Variants in MOV10 observed in about 807,000 individuals in gnomAD.
The protein encoded by MOV10 is RNA helicase MOV-10.
In MOV10, 39 loss-of-function variants were observed where a neutral mutation model predicts 108.4. The ratio of observed to expected loss-of-function variants is 0.36; its 90% CI spans 0.28 to 0.47. The LOEUF (loss-of-function observed/expected upper bound fraction) is 0.47, where lower values mean the gene tolerates loss of function less well. Among genes scored for constraint, MOV10 ranks in the 20% least tolerant of loss-of-function variants. The pLI, the probability that MOV10 is intolerant of heterozygous loss-of-function variation, is 1.00. For synonymous variants in MOV10, 490 were observed against 523.1 expected, an observed-to-expected ratio of 0.94 and a Z score of 0.86; for missense variants, 952 against 1,297.6, an observed-to-expected ratio of 0.73 and a Z score of 4.09.
Position 112,696,438 on chromosome 1 carries a change from T to C in MOV10, c.1885T>C (p.Leu629=). The part of the protein sequence containing the change: ...LITTLITAGR[L]VSAQFPIDHF... ...CCTGCCTGGCCTGACACCTCCCAGG[T>C]TGGTCTCGGCCCAGTTTCCCATTGA... The change falls in exon 13 of 21, where the codon TTG becomes CTG. Residue 629 remains leucine (L), a splice_region_variant and synonymous_variant. Transcript: ENST00000369645. The C allele has an allele frequency of 6.2e-7, 1 of 1,612,614 alleles. No individual in the cohort carries two copies. The highest frequency in any genetic ancestry group is 8.5e-7 in the Non-Finnish European group (1 of 1,178,658).
chr1:112,696,306 C>G (rs767637838), intron 12 of MOV10, 55 bp downstream of exon 12: 3 of 1,463,556 alleles, frequency 2.0e-6, no homozygotes, highest in South Asian at 2.3e-5. Context: ...AAAGGGGTAC[C>G]GGGCTGGGGA....
intron 6 of MOV10, 62 bp from the exon 7 acceptor site, chr1:112,692,699 T>C (rs1258607407): frequency 6.3e-7 from 1 of 1,592,970 alleles, no homozygotes; most frequent in Non-Finnish European, 8.5e-7. Flanking sequence ...CTCCTGGGCA[T>C]AGGGGTTGTC....
intron 2 of MOV10, among the ~76,000 whole-genome samples, chr1:112,677,826 G>A (rs1193694173): frequency 1.3e-5 from 2 of 152,102 alleles, no homozygotes; most frequent in African/African-American, 2.4e-5. Context: ...CCTACACTGA[G>A]AGGGGATAGG....
At chr1:112,678,814 C>T (rs1039329891) in intron 2 of MOV10, among the ~76,000 whole-genome samples, 3 of 151,942 alleles carry the variant, frequency 2.0e-5, no homozygotes, top group South Asian at 2.1e-4. Flanking sequence ...AAGAGTCTGA[C>T]GTAATCAGAT....
At chr1:112,680,455 G>T (rs977958193) in intron 2 of MOV10, among the ~76,000 whole-genome samples, 2 of 151,774 alleles carry the variant, frequency 1.3e-5, no homozygotes, top group Non-Finnish European at 2.9e-5. Context: ...AGGAGATCGA[G>T]ACCATCCTGG....
chr1:112,698,517 C>G, intron 16 of MOV10, 39 bp downstream of exon 16: 1 of 1,594,812 alleles, frequency 6.3e-7, no homozygotes, highest in Non-Finnish European at 8.6e-7. Context: ...GGGCCCCTCC[C>G]CCAGATGGTA....
At position 112,698,090 on chromosome 1, in the gene MOV10, C is replaced by T. The variant is rs748814731; in HGVS notation, c.2295C>T (p.Arg765=). 1 of 1,614,154 alleles carries T rather than the reference C, an allele frequency of 6.2e-7. No homozygotes were observed. Among genetic ancestry groups the T allele is most frequent in the Non-Finnish European group, 8.5e-7 (1 of 1,180,030 alleles). ...ADVVDRERFC[R]WAGLPRQGFP... is the part of the protein sequence containing the mutation. Reference sequence around the variant, plus strand: ...TCGTGGATCGAGAACGCTTCTGCCGCTGGGCGGGCCTACCTCGACAGGTGA... The same window carrying T: ...TCGTGGATCGAGAACGCTTCTGCCGTTGGGCGGGCCTACCTCGACAGGTGA... Residue 765 remains arginine, a synonymous_variant, in exon 15 of 21, where the codon CGC becomes CGT. Coordinates refer to ENST00000369645, the MANE Select transcript of MOV10 (RefSeq NM_001321324.2).
chr1:112,699,471 C>T, intron 17 of MOV10: 1 of 1,414,596 alleles, frequency 7.1e-7, no homozygotes, highest in Non-Finnish European at 9.2e-7. Context: ...ACTTTGCAGG[C>T]CCCAGCCCTC....
intron 17 of MOV10, 103 bp downstream of exon 17, chr1:112,698,892 A>G: frequency 1.0e-6 from 1 of 960,626 alleles, no homozygotes; most frequent in South Asian, 1.3e-5. Flanking sequence ...TCCCCGTCCC[A>G]CCCCTGCTGC....
At position 112,688,935 on chromosome 1, in the gene MOV10, C is replaced by T. The variant is rs777635149; in HGVS notation, c.138C>T (p.Ser46=). 5.6e-6 allele frequency: 9 copies of T among 1,612,294 alleles called. No homozygotes were observed. Among genetic ancestry groups the T allele is most frequent in the Non-Finnish European group, 5.1e-6 (6 of 1,180,006 alleles). Residue 46 remains serine, a splice_region_variant and synonymous_variant, in exon 3 of 21, where the codon AGC becomes AGT. Transcript: ENST00000369645. Reference sequence around the variant, plus strand: ...TCCCAGTCTCCTCTGCTTCTGGCAGCTTTGGGACCCCCGCCCCTGGCTTCT... The same window carrying T: ...TCCCAGTCTCCTCTGCTTCTGGCAGTTTTGGGACCCCCGCCCCTGGCTTCT... ...RTIYNRDFKI[S]FGTPAPGFSS...
chr1:112,680,989 A>C (rs1672604479), intron 2 of MOV10, among the ~76,000 whole-genome samples: 1 of 151,902 alleles, frequency 6.6e-6, no homozygotes. Context: ...GGCGTGAGCT[A>C]CTGCACCCGG....
chr1:112,675,105 C>G lies in MOV10; in HGVS notation c.137+56C>G, dbSNP rs1448505358. ...CGCGGGCCCAGCTTGCTGCCACGACCCCCGCGCGAGGGCCACCTTTCCCGC... is the reference window on the plus strand; with the variant it reads ...CGCGGGCCCAGCTTGCTGCCACGACGCCCGCGCGAGGGCCACCTTTCCCGC... On this transcript the variant is annotated intron_variant, in intron 2 of 20. Coordinates refer to ENST00000369645, the MANE Select transcript of MOV10 (RefSeq NM_001321324.2). The surrounding 1 kb of genome is among the most constrained non-coding windows in gnomAD (Gnocchi z 4.7). 6.4e-7 allele frequency: 1 copy of G among 1,562,270 alleles called. No individual in the cohort carries two copies. The highest frequency in any genetic ancestry group is 8.6e-7 in the Non-Finnish European group (1 of 1,158,516).
intron 5 of MOV10, among the ~76,000 whole-genome samples, 158 bp from the exon 6 acceptor site, chr1:112,691,507 T>G (rs1411902016): frequency 6.6e-6 from 1 of 152,234 alleles, no homozygotes; most frequent in Non-Finnish European, 1.5e-5. Context: ...AAGTATCGCA[T>G]GTTCCAAAAA....
At position 112,696,718 on chromosome 1, in the gene MOV10, C is replaced by G; in HGVS notation, c.2070C>G (p.Ser690=). ...GGCAGCTGGGGCCTGTGCTGCGTTC[C>G]CCACTGACCCAGAAGCATGGACTGG... ...DPRQLGPVLR[S]PLTQKHGLGY... The change falls in exon 14 of 21, where the codon TCC becomes TCG. Residue 690 remains serine (S), a synonymous_variant. Coordinates refer to ENST00000369645, the MANE Select transcript of MOV10 (RefSeq NM_001321324.2). 6.2e-7 allele frequency: 1 copy of G among 1,606,966 alleles called. No homozygotes were observed. Among genetic ancestry groups the G allele is most frequent in the Non-Finnish European group, 8.5e-7 (1 of 1,176,802 alleles).
chr1:112,681,836 A>G (rs1672677215), intron 2 of MOV10, among the ~76,000 whole-genome samples: 1 of 152,004 alleles, frequency 6.6e-6, no homozygotes, highest in Admixed American at 6.6e-5. Context: ...TAGCGTGATT[A>G]TTATCAGCTA....
Position 112,675,225 on chromosome 1 carries a change from G to A in MOV10, c.137+176G>A, listed in dbSNP as rs906803017. 1.3e-5 allele frequency among the ~76,000 whole-genome samples: 2 copies of A among 151,954 alleles called. No individual in the cohort carries two copies. The highest frequency in any genetic ancestry group is 4.8e-5 in the African/African-American group (2 of 41,414). On this transcript the variant is annotated intron_variant, in intron 2 of 20. Coordinates refer to ENST00000369645, the MANE Select transcript of MOV10 (RefSeq NM_001321324.2). The surrounding 1 kb of genome is among the most constrained non-coding windows in gnomAD (Gnocchi z 4.7). The stretch of plus-strand genomic sequence containing the variant: ...CCCGCGCCTCGCCCACGCCCCACCA[G>A]CGCCGCCCGGAGCCCGCCAGTTCTG...
chr1:112,691,840 T>A, intron 6 of MOV10, 41 bp downstream of exon 6: 1 of 1,591,140 alleles, frequency 6.3e-7, no homozygotes, highest in Non-Finnish European at 8.6e-7. Context: ...TCCCGTCTTT[T>A]ACCTACTGGC....
intron 2 of MOV10, among the ~76,000 whole-genome samples, chr1:112,686,412 G>C (rs1231814247): frequency 1.3e-5 from 2 of 152,154 alleles, no homozygotes; most frequent in Non-Finnish European, 2.9e-5. Context: ...TTTTGATCCT[G>C]ATACCTGATT....
chr1:112,678,018 C>G lies in MOV10; in HGVS notation c.137+2969C>G, dbSNP rs530638302. ...AGAGCAGCAGATATGTGTAGACAAA[C>G]AAATGCAATACAGTAGTATAGGTGC... On this transcript the variant is annotated intron_variant, in intron 2 of 20. Transcript: ENST00000369645. Among the ~76,000 whole-genome samples the G allele has an allele frequency of 7.6e-4, 116 of 152,190 alleles. 1 individual carries two copies. The highest frequency in any genetic ancestry group is 2.0e-3 in the Admixed American group (30 of 15,294).
Sources: allele counts gnomAD v4.1 joint callset (sites outside exome capture counted in the v4.1 genomes callset), GRCh38; gene constraint gnomAD v4.1.1; non-coding constraint Gnocchi (gnomAD v3.1); transcripts MANE v1.5; gene names NCBI Gene and HGNC (gene_info 2026-07-23, HGNC 2026-07-21).